The following ARHGAP28 variants were observed in gnomAD, a reference collection of about 807,000 sequenced individuals.
The protein encoded by ARHGAP28 is Rho GTPase activating protein 28.
A neutral mutation model predicts 90.7 loss-of-function variants in ARHGAP28; 56 were observed. The observed-to-expected ratio is 0.62, with a 90% CI of 0.50 to 0.77. The LOEUF (loss-of-function observed/expected upper bound fraction) is 0.77, where lower values mean the gene tolerates loss of function less well. ARHGAP28 is among the 30% of genes least tolerant of loss of function. ARHGAP28 has a pLI of 0.00. For missense variants in ARHGAP28, 869 were observed against 900.9 expected (o/e 0.96, Z 0.45); for synonymous variants, 308 against 323.3 (o/e 0.95, Z 0.51).
Position 6,821,142 on chromosome 18 carries a change from C to T in ARHGAP28, c.123-3620C>T, listed in dbSNP as rs114613786. ...AGAATTATATTCTGTAAGATATTTA[C>T]ACTGTTGTGAAGTTATAAAATACTA... On this transcript the variant is annotated intron_variant, in intron 1 of 17. Coordinates refer to ENST00000383472, the MANE Select transcript of ARHGAP28 (RefSeq NM_001366230.1). Among the ~76,000 whole-genome samples, 702 of 152,222 alleles carry T rather than the reference C, an allele frequency of 4.6e-3. 5 individuals are homozygous for T. The highest frequency in any genetic ancestry group is 0.013 in the African/African-American group (556 of 41,536).
In ARHGAP28 at chr18:6,914,716, T is replaced by C. The variant is rs1267244023; in HGVS notation, c.*2562T>C. 1.3e-5 allele frequency: 2 copies of C among 152,200 alleles called. No individual in the cohort carries two copies. The highest frequency in any genetic ancestry group is 2.9e-5 in the Non-Finnish European group (2 of 68,028). The allele number at this position is 152,200 out of a possible 1,614,324, so 9.4% of individuals were successfully genotyped here. A position where few individuals can be genotyped will look rare whatever the true frequency, so the allele number is the denominator to read the frequency against. On this transcript the variant is annotated 3_prime_UTR_variant, in exon 18 of 18. Coordinates refer to ENST00000383472, the MANE Select transcript of ARHGAP28 (RefSeq NM_001366230.1). ...AGAGCTTCTCCCCCTCACCCATTCC[T>C]AGTGCTCTTGGTATACACTTGGGAA... is the stretch of plus-strand genomic sequence containing the variant.
At chr18:6,870,921 C>T (rs1016613311) in intron 7 of ARHGAP28, among the ~76,000 whole-genome samples, 189 bp downstream of exon 7, 3 of 152,136 alleles carry the variant, frequency 2.0e-5, no homozygotes, top group Non-Finnish European at 4.4e-5. Context: ...CTGCCTCAGC[C>T]TCCCGAGTAG....
Position 6,914,914 on chromosome 18 carries a change from C to A in ARHGAP28, c.*2760C>A, listed in dbSNP as rs1361295255. The A allele has an allele frequency of 6.6e-6, 1 of 152,536 alleles. No individual in the cohort carries two copies. Among genetic ancestry groups the A allele is most frequent in the Non-Finnish European group, 1.5e-5 (1 of 68,026 alleles). The allele number at this position is 152,536 out of a possible 1,614,324, so 9.4% of individuals were successfully genotyped here. A position where few individuals can be genotyped will look rare whatever the true frequency, so the allele number is the denominator to read the frequency against. ...TTGGAGTCAATGATCTCTAAACAAA[C>A]TGGATTATCAACTATTTACAACGTC... On this transcript the variant is annotated 3_prime_UTR_variant, in exon 18 of 18. Coordinates refer to ENST00000383472, the MANE Select transcript of ARHGAP28 (RefSeq NM_001366230.1).
intron 16 of ARHGAP28, chr18:6,898,189 G>T: frequency 3.3e-6 from 1 of 299,316 alleles, no homozygotes. Flanking sequence ...CTTGAGAGAT[G>T]GGTGCACCAA....
intron 1 of ARHGAP28, among the ~76,000 whole-genome samples, chr18:6,765,741 A>G (rs1054669630): frequency 6.6e-6 from 1 of 152,136 alleles, no homozygotes; most frequent in African/African-American, 2.4e-5. Context: ...ATTTTAATAT[A>G]ACCATTTATT....
intron 2 of ARHGAP28, among the ~76,000 whole-genome samples, chr18:6,835,873 C>T (rs1442162070): frequency 6.6e-6 from 1 of 152,104 alleles, no homozygotes; most frequent in Non-Finnish European, 1.5e-5. Context: ...AAAAAAAAAT[C>T]CTCATAGGCA....
At chr18:6,767,421 T>C (rs1224154895) in intron 1 of ARHGAP28, among the ~76,000 whole-genome samples, 2 of 152,194 alleles carry the variant, frequency 1.3e-5, no homozygotes, top group Non-Finnish European at 2.9e-5. Flanking sequence ...ATTTTTATTC[T>C]TTTGTAGAGG....
chr18:6,781,696 C>T (rs12605379), intron 1 of ARHGAP28, among the ~76,000 whole-genome samples: 13,060 of 152,246 alleles, frequency 0.086, 806 homozygotes, highest in East Asian at 0.34. Flanking sequence ...ACCTGACACA[C>T]TGTGGCATTG....
intron 4 of ARHGAP28, among the ~76,000 whole-genome samples, chr18:6,855,536 T>C (rs2056945971): frequency 6.6e-6 from 1 of 152,176 alleles, no homozygotes; most frequent in Admixed American, 6.5e-5. Flanking sequence ...ACCCTCCCAT[T>C]GTCCGTGTAC....
At chr18:6,734,592 GTAAA>G (rs1317920819) in intron 1 of ARHGAP28, among the ~76,000 whole-genome samples, 1 of 152,142 alleles carries the variant, frequency 6.6e-6, no homozygotes, top group Non-Finnish European at 1.5e-5. Flanking sequence ...TGATTAGAAA[GTAAA>G]TATTTTATAT....
chr18:6,895,405 A>C (rs1205415267), intron 15 of ARHGAP28, among the ~76,000 whole-genome samples: 2 of 152,222 alleles, frequency 1.3e-5, no homozygotes, highest in Non-Finnish European at 2.9e-5. Context: ...GGGCTGCCCT[A>C]ACAAGGTACC....
At chr18:6,900,983 A>G (rs921440100) in intron 16 of ARHGAP28, among the ~76,000 whole-genome samples, 1 of 152,226 alleles carries the variant, frequency 6.6e-6, no homozygotes, top group Non-Finnish European at 1.5e-5. Context: ...AGGAAGTGGC[A>G]TAACATTTGT....
At chr18:6,785,053 A>T (rs2056355242) in intron 1 of ARHGAP28, among the ~76,000 whole-genome samples, 1 of 152,070 alleles carries the variant, frequency 6.6e-6, no homozygotes, top group African/African-American at 2.4e-5. Context: ...ACACCAAAAG[A>T]TTCCCTCATA....
chr18:6,836,441 C>T (rs983615180), intron 2 of ARHGAP28, among the ~76,000 whole-genome samples: 1 of 152,018 alleles, frequency 6.6e-6, no homozygotes, highest in Non-Finnish European at 1.5e-5. Flanking sequence ...AGCAGGGAGT[C>T]GCTCTGTGAC....
chr18:6,884,816 G>A (rs2057207665), intron 11 of ARHGAP28, among the ~76,000 whole-genome samples: 1 of 152,180 alleles, frequency 6.6e-6, no homozygotes, highest in South Asian at 2.1e-4. Flanking sequence ...TATGCAAGGA[G>A]GATTCAAACC....
At chr18:6,802,655 T>G (rs1474883440) in intron 1 of ARHGAP28, among the ~76,000 whole-genome samples, 1 of 152,130 alleles carries the variant, frequency 6.6e-6, no homozygotes, top group Non-Finnish European at 1.5e-5. Flanking sequence ...CCTATTTTTT[T>G]TGTGTTTGTG....
intron 14 of ARHGAP28, among the ~76,000 whole-genome samples, chr18:6,893,930 G>C (rs573341605): frequency 8.2e-5 from 12 of 146,682 alleles, no homozygotes; most frequent in Middle Eastern, 3.5e-3. Flanking sequence ...GCAGTGGCGC[G>C]ATCTCGGCTC....
intron 1 of ARHGAP28, among the ~76,000 whole-genome samples, chr18:6,758,198 A>G (rs2056127971): frequency 6.6e-6 from 1 of 152,232 alleles, no homozygotes; most frequent in Admixed American, 6.5e-5. Flanking sequence ...TTCCTGTGGC[A>G]AACATACTAT....
At chr18:6,895,855 T>C (rs1357396816) in intron 15 of ARHGAP28, among the ~76,000 whole-genome samples, 1 of 152,214 alleles carries the variant, frequency 6.6e-6, no homozygotes, top group South Asian at 2.1e-4. Context: ...TTCTAGGATA[T>C]CAATAGAACA....
Sources: allele counts gnomAD v4.1 joint callset (sites outside exome capture counted in the v4.1 genomes callset), GRCh38; gene constraint gnomAD v4.1.1; transcripts MANE v1.5; gene names NCBI Gene and HGNC (gene_info 2026-07-23, HGNC 2026-07-21).